The following DDC variants were observed in gnomAD, a reference collection of about 807,000 sequenced individuals.
The protein encoded by DDC is aromatic-L-amino-acid decarboxylase.
Under a neutral mutation model 60.0 loss-of-function variants are expected in DDC, and 43 were observed. The ratio of observed to expected loss-of-function variants is 0.72; its 90% CI spans 0.56 to 0.92. The LOEUF is 0.92. Ranked by LOEUF, DDC falls within the 40% of genes least tolerant of loss-of-function variation. The pLI is 0.00. For missense variants in DDC, 573 were observed against 620.2 expected (o/e 0.92, Z 0.81); for synonymous variants, 232 against 234.6 (o/e 0.99, Z 0.10).
At chr7:50,504,763 A>G (rs2043347086) in intron 6 of DDC, among the ~76,000 whole-genome samples, 1 of 152,154 alleles carries the variant, frequency 6.6e-6, no homozygotes, top group Non-Finnish European at 1.5e-5. Flanking sequence ...CACAGAGCAG[A>G]GCAAGCGCAG....
intron 6 of DDC, among the ~76,000 whole-genome samples, chr7:50,514,990 T>C (rs1290217091): frequency 6.6e-6 from 1 of 152,186 alleles, no homozygotes; most frequent in African/African-American, 2.4e-5. Context: ...GAAAACATAT[T>C]TGGGGGAGTA....
intron 6 of DDC, among the ~76,000 whole-genome samples, chr7:50,512,277 T>C (rs1312204127): frequency 6.6e-6 from 1 of 152,114 alleles, no homozygotes; most frequent in East Asian, 1.9e-4. Flanking sequence ...AGAAAATTGT[T>C]AAAGAAAATT....
chr7:50,490,792 G>C (rs1009403166), intron 9 of DDC, among the ~76,000 whole-genome samples: 1 of 152,318 alleles, frequency 6.6e-6, no homozygotes, highest in East Asian at 1.9e-4. Flanking sequence ...GAGCGAGAGA[G>C]CAAACCTATA....
chr7:50,562,597 T>C (rs957594663), intron 1 of DDC, among the ~76,000 whole-genome samples: 3 of 152,168 alleles, frequency 2.0e-5, no homozygotes, highest in Admixed American at 6.5e-5. Context: ...TTCTTGCCCC[T>C]GGCAATGCAC....
chr7:50,514,766 A>G (rs1462502756), intron 6 of DDC, among the ~76,000 whole-genome samples: 3 of 152,188 alleles, frequency 2.0e-5, no homozygotes, highest in African/African-American at 7.2e-5. Flanking sequence ...ACTTTTAGAA[A>G]TGTGAAATGC....
intron 4 of DDC, among the ~76,000 whole-genome samples, chr7:50,530,900 C>G (rs2044183507): frequency 6.6e-6 from 1 of 152,150 alleles, no homozygotes; most frequent in African/African-American, 2.4e-5. Flanking sequence ...ATTTGATGCT[C>G]TCTTCATTGA....
chr7:50,489,771 C>T (rs2042961137), intron 9 of DDC, among the ~76,000 whole-genome samples: 1 of 152,180 alleles, frequency 6.6e-6, no homozygotes, highest in Non-Finnish European at 1.5e-5. Flanking sequence ...ATCAAAGGTA[C>T]ACTGATGCAA....
chr7:50,552,759 G>C (rs1585285242), intron 1 of DDC, among the ~76,000 whole-genome samples: 1 of 152,120 alleles, frequency 6.6e-6, no homozygotes, highest in Admixed American at 6.6e-5. Flanking sequence ...AATGATATTT[G>C]GTCCTCTAGA....
chr7:50,499,147 CCTCCA>C lies in DDC; in HGVS notation c.872_876del (p.Glu292CysfsTer7), dbSNP rs2043190798. On this transcript the variant is annotated frameshift_variant and splice_region_variant, in exon 8 of 15. Coordinates refer to ENST00000444124, the MANE Select transcript of DDC (RefSeq NM_001082971.2). LOFTEE classifies it high-confidence loss of function. ...TTAGGGAGAGCGAAGGGTGCACCTACCTCCACTCCATTCAGAAGGTGCCGGAACTC... is the reference window on the plus strand; with the variant it reads ...TTAGGGAGAGCGAAGGGTGCACCTACCTCCATTCAGAAGGTGCCGGAACTC... 3 of 1,612,340 alleles carry C rather than the reference CCTCCA, an allele frequency of 1.9e-6. No homozygotes were observed. Among genetic ancestry groups the C allele is most frequent in the Non-Finnish European group, 2.5e-6 (3 of 1,178,406 alleles).
chr7:50,488,185 T>C (rs2042925702), intron 9 of DDC, among the ~76,000 whole-genome samples: 1 of 151,952 alleles, frequency 6.6e-6, no homozygotes, highest in Non-Finnish European at 1.5e-5. Flanking sequence ...GAATAAATGC[T>C]TGTTAAAAAA....
chr7:50,552,279 A>G (rs2045022679), intron 1 of DDC, among the ~76,000 whole-genome samples: 1 of 152,216 alleles, frequency 6.6e-6, no homozygotes, highest in South Asian at 2.1e-4. Context: ...GCCTATGATA[A>G]AGGCTGTGGC....
At chr7:50,491,850 C>T (rs144083746) in intron 9 of DDC, among the ~76,000 whole-genome samples, 1 of 152,298 alleles carries the variant, frequency 6.6e-6, no homozygotes, top group African/African-American at 2.4e-5. Flanking sequence ...CCTTTAAATA[C>T]TGCCGGCCTC....
chr7:50,466,870 C>A (rs755398479), intron 13 of DDC, among the ~76,000 whole-genome samples: 1 of 152,228 alleles, frequency 6.6e-6, no homozygotes, highest in Non-Finnish European at 1.5e-5. Context: ...ACAGAAGACA[C>A]TCAGATTAGT....
intron 6 of DDC, among the ~76,000 whole-genome samples, chr7:50,514,533 G>A (rs942304009): frequency 2.0e-5 from 3 of 152,146 alleles, no homozygotes; most frequent in African/African-American, 7.2e-5. Flanking sequence ...TAAGCTAATC[G>A]GGGAAGCACC....
At chr7:50,544,160 C>G in intron 1 of DDC, 47 bp from the exon 2 acceptor site, 1 of 1,455,156 alleles carries the variant, frequency 6.9e-7, no homozygotes, top group South Asian at 1.1e-5. Flanking sequence ...AACCTCTGAA[C>G]TGGAAGGCGG....
chr7:50,472,147 C>T (rs931005538), intron 11 of DDC, among the ~76,000 whole-genome samples: 3 of 152,142 alleles, frequency 2.0e-5, no homozygotes, highest in Non-Finnish European at 2.9e-5. Context: ...CAGCTGTGAC[C>T]CCTGTGTACC....
At chr7:50,491,179 G>A (rs1034196098) in intron 9 of DDC, among the ~76,000 whole-genome samples, 12 of 152,076 alleles carry the variant, frequency 7.9e-5, no homozygotes, top group Admixed American at 5.9e-4. Flanking sequence ...GCTAGACAAC[G>A]TCAACTTTGG....
chr7:50,537,774 C>A, intron 4 of DDC, 86 bp downstream of exon 4: 1 of 1,527,840 alleles, frequency 6.5e-7, no homozygotes, highest in South Asian at 1.1e-5. Flanking sequence ...TAACAAGAAG[C>A]ATGAGTGCCT....
At chr7:50,462,648 C>A (rs1490780413) in intron 14 of DDC, among the ~76,000 whole-genome samples, 1 of 151,950 alleles carries the variant, frequency 6.6e-6, no homozygotes, top group Non-Finnish European at 1.5e-5. Context: ...TTTGAAGAAA[C>A]CTGAAGTATT....
Sources: gnomAD v4.1 joint callset for allele counts (sites outside exome capture counted in the v4.1 genomes callset) on GRCh38, gnomAD v4.1.1 for gene constraint, MANE v1.5 for transcripts, NCBI Gene and HGNC (gene_info 2026-07-23, HGNC 2026-07-21) for gene names.